The following CTNNA3 variants were observed in gnomAD, a reference collection of about 807,000 sequenced individuals.
CTNNA3 encodes the protein catenin alpha-3.
A neutral mutation model predicts 95.7 loss-of-function variants in CTNNA3; 76 were observed. The observed-to-expected ratio is 0.79, with a 90% CI of 0.66 to 0.96. CTNNA3 has a LOEUF of 0.96. Among genes scored for constraint, CTNNA3 ranks in the 40% least tolerant of loss-of-function variants. The probability of loss-of-function intolerance (pLI) is 0.00; values close to 1 mark genes in which losing one functional copy is unlikely to be tolerated. For synonymous variants in CTNNA3, 431 were observed against 374.4 expected, an observed-to-expected ratio of 1.15 and a Z score of -1.74; for missense variants, 1,191 against 1,089.8, an observed-to-expected ratio of 1.09 and a Z score of -1.31.
intron 14 of CTNNA3, among the ~76,000 whole-genome samples, chr10:66,088,433 A>G (rs1430884893): frequency 1.3e-5 from 2 of 151,206 alleles, no homozygotes; most frequent in African/African-American, 4.9e-5. Flanking sequence ...ATTTATCTAC[A>G]TGTTATTAAT....
chr10:67,564,322 G>C (rs1841663964), intron 3 of CTNNA3, among the ~76,000 whole-genome samples: 1 of 149,686 alleles, frequency 6.7e-6, no homozygotes, highest in African/African-American at 2.5e-5. Context: ...CATAAAAAAG[G>C]ATGGGTTGAT....
intron 13 of CTNNA3, among the ~76,000 whole-genome samples, chr10:66,226,270 A>T (rs2089282683): frequency 6.6e-6 from 1 of 152,224 alleles, no homozygotes; most frequent in Non-Finnish European, 1.5e-5. Context: ...TTCCACCTAC[A>T]GATATCTAGG....
intron 1 of CTNNA3, among the ~76,000 whole-genome samples, chr10:67,649,845 T>C (rs1041851709): frequency 6.6e-6 from 1 of 152,310 alleles, no homozygotes; most frequent in East Asian, 1.9e-4. Flanking sequence ...CATTTTATTT[T>C]GTTTTATTTT....
At chr10:67,143,593 T>C (rs1040480281) in intron 7 of CTNNA3, among the ~76,000 whole-genome samples, 8 of 152,268 alleles carry the variant, frequency 5.3e-5, no homozygotes, top group African/African-American at 1.7e-4. Flanking sequence ...CATTTAACCA[T>C]GTTCACAGCA....
intron 10 of CTNNA3, among the ~76,000 whole-genome samples, chr10:66,577,877 T>C (rs12268773): frequency 0.29 from 43,680 of 151,840 alleles, 6,702 homozygotes; most frequent in Middle Eastern, 0.42. Context: ...GGTACTTTGA[T>C]AGGAATAGCA....
At chr10:67,140,336 AAT>A (rs1458162768) in intron 7 of CTNNA3, among the ~76,000 whole-genome samples, 1 of 152,146 alleles carries the variant, frequency 6.6e-6, no homozygotes, top group Non-Finnish European at 1.5e-5. Context: ...AGTTTAAACA[AAT>A]TGCCACTATT....
chr10:66,293,435 G>GA (rs11374912), intron 12 of CTNNA3, among the ~76,000 whole-genome samples: 66,793 of 150,806 alleles, frequency 0.44, 15,447 homozygotes, highest in African/African-American at 0.59. Flanking sequence ...GTAAAACAGG[G>GA]AAAAAAAAGC....
At chr10:67,275,234 G>C (rs1350551605) in intron 5 of CTNNA3, among the ~76,000 whole-genome samples, 2 of 152,148 alleles carry the variant, frequency 1.3e-5, no homozygotes, top group Non-Finnish European at 2.9e-5. Context: ...TTTCATAGAT[G>C]AGCAAATTGA....
intron 5 of CTNNA3, among the ~76,000 whole-genome samples, chr10:67,350,261 G>C (rs956968421): frequency 6.6e-6 from 1 of 152,022 alleles, no homozygotes; most frequent in African/African-American, 2.4e-5. Context: ...ATGGTTGTGA[G>C]AGAATCAGTA....
At position 66,240,965 on chromosome 10, in the gene CTNNA3, A is replaced by G. The variant is rs971972579; in HGVS notation, c.1884+39505T>C. The stretch of plus-strand genomic sequence containing the variant: ...TAACAAGTTTTTAGGAAATAGAAAT[A>G]TAAGGATTTCAAATAAAAATAAGGA... On this transcript the variant is annotated intron_variant, in intron 13 of 17. Transcript: ENST00000433211. 2.0e-5 allele frequency among the ~76,000 whole-genome samples: 3 copies of G among 152,234 alleles called. No individual in the cohort carries two copies. The East Asian group carries it at 5.8e-4, about 29-fold the overall frequency.
chr10:66,158,906 A>T (rs1183565419), intron 13 of CTNNA3, among the ~76,000 whole-genome samples: 1 of 150,740 alleles, frequency 6.6e-6, no homozygotes, highest in African/African-American at 2.4e-5. Context: ...TTTTATTTTT[A>T]TTTTTTTGCA....
At chr10:66,612,139 A>T (rs1028005084) in intron 10 of CTNNA3, among the ~76,000 whole-genome samples, 1 of 152,062 alleles carries the variant, frequency 6.6e-6, no homozygotes, top group Non-Finnish European at 1.5e-5. Context: ...CTCCATCATC[A>T]CAATCATCTA....
intron 16 of CTNNA3, among the ~76,000 whole-genome samples, chr10:65,981,986 G>C (rs777707531): frequency 1.3e-5 from 2 of 151,518 alleles, no homozygotes; most frequent in African/African-American, 2.4e-5. Context: ...CAAAAACAAG[G>C]ATAAATAGAT....
rs1419829048 is a variant in CTNNA3 at position 66,069,378 on chromosome 10, T to A, written c.2089A>T (p.Thr697Ser). The part of the protein sequence containing the change: ...LDAEIEIWDD[T>S]SNDIIVLAKN... ...GCCAGAACAATGATGTCGTTGCTTGTATCATCCCATATCTCAATCTCAGCA... is the reference window on the plus strand; with the variant it reads ...GCCAGAACAATGATGTCGTTGCTTGAATCATCCCATATCTCAATCTCAGCA... Residue 697 changes from threonine to serine, a missense_variant, in exon 15 of 18, where the codon ACA becomes TCA. Physicochemically the swap from Thr to Ser is moderately conservative, Grantham distance 58. Coordinates refer to ENST00000433211, the MANE Select transcript of CTNNA3 (RefSeq NM_013266.4). 1.2e-6 allele frequency: 2 copies of A among 1,613,692 alleles called. No homozygotes were observed. The highest frequency in any genetic ancestry group is 2.2e-5 in the South Asian group (2 of 91,072).
intron 5 of CTNNA3, among the ~76,000 whole-genome samples, chr10:67,335,198 T>C (rs1185723405): frequency 6.6e-6 from 1 of 152,128 alleles, no homozygotes; most frequent in Admixed American, 6.5e-5. Context: ...AATTATTGTA[T>C]CTACAATGTC....
At chr10:66,499,755 A>T (rs1840215606) in intron 11 of CTNNA3, among the ~76,000 whole-genome samples, 1 of 151,494 alleles carries the variant, frequency 6.6e-6, no homozygotes, top group Admixed American at 6.6e-5. Flanking sequence ...TATCTATGGA[A>T]CTCCTAGAGA....
chr10:67,415,368 G>C (rs1482912794), intron 5 of CTNNA3, among the ~76,000 whole-genome samples: 1 of 152,156 alleles, frequency 6.6e-6, no homozygotes, highest in African/African-American at 2.4e-5. Context: ...TCCAGGCTGA[G>C]AGTAAAATCT....
chr10:67,034,664 A>G (rs2041266935), intron 7 of CTNNA3, among the ~76,000 whole-genome samples: 1 of 152,126 alleles, frequency 6.6e-6, no homozygotes, highest in South Asian at 2.1e-4. Flanking sequence ...CTTACACCTA[A>G]TCTTTCTCAA....
intron 9 of CTNNA3, among the ~76,000 whole-genome samples, chr10:66,752,781 G>A (rs1839199137): frequency 6.6e-6 from 1 of 151,954 alleles, no homozygotes; most frequent in African/African-American, 2.4e-5. Context: ...ACTTCAGAAA[G>A]GAAGAAGTAT....
Sources: gnomAD v4.1 joint callset for allele counts (sites outside exome capture counted in the v4.1 genomes callset) on GRCh38, gnomAD v4.1.1 for gene constraint, MANE v1.5 for transcripts, NCBI Gene and HGNC (gene_info 2026-07-23, HGNC 2026-07-21) for gene names.